Variants in CDH23 observed in about 807,000 individuals in gnomAD.
CDH23 encodes cadherin related 23, also known as cadherin-23.
CDH23 carries 189 observed loss-of-function variants against 317.1 expected under a neutral mutation model. That is an observed-to-expected ratio of 0.60 (90% CI 0.53 to 0.67). CDH23 has a LOEUF of 0.67. Among genes scored for constraint, CDH23 ranks in the 30% least tolerant of loss-of-function variants. The probability of loss-of-function intolerance (pLI) is 0.00; values close to 1 mark genes in which losing one functional copy is unlikely to be tolerated. For synonymous variants in CDH23, 1,839 were observed against 1,876.8 expected, an observed-to-expected ratio of 0.98 and a Z score of 0.52; for missense variants, 4,401 against 4,592.4, an observed-to-expected ratio of 0.96 and a Z score of 1.20.
intron 9 of CDH23, among the ~76,000 whole-genome samples, chr10:71,607,886 GAAC>G (rs1317045243): frequency 5.3e-5 from 8 of 152,258 alleles, no homozygotes; most frequent in African/African-American, 1.9e-4. Context: ...CTGGGTGATA[GAAC>G]AAAACTCTGT....
chr10:71,800,285 C>G (rs767762001), intron 52 of CDH23, among the ~76,000 whole-genome samples: 6 of 152,244 alleles, frequency 3.9e-5, no homozygotes, highest in Non-Finnish European at 8.8e-5. Context: ...TCCACATCTT[C>G]TGGCACTCTG....
At chr10:71,608,527 A>AT (rs1395293816) in intron 9 of CDH23, among the ~76,000 whole-genome samples, 2 of 152,272 alleles carry the variant, frequency 1.3e-5, no homozygotes, top group East Asian at 3.9e-4. Context: ...GGCCCCAAGT[A>AT]TGCCGCTGCC....
chr10:71,743,600 G>A (rs1839787507), intron 38 of CDH23, among the ~76,000 whole-genome samples: 1 of 152,166 alleles, frequency 6.6e-6, no homozygotes, highest in African/African-American at 2.4e-5. Flanking sequence ...GGCTAAACAA[G>A]GATACATTTA....
At chr10:71,477,852 CTTA>C (rs931623747) in intron 3 of CDH23, among the ~76,000 whole-genome samples, 7 of 152,106 alleles carry the variant, frequency 4.6e-5, no homozygotes, top group Non-Finnish European at 1.0e-4. Flanking sequence ...CTGCTGGGCT[CTTA>C]TTATCCCGGC....
chr10:71,732,485 G>A (rs1839426037), intron 32 of CDH23, 110 bp downstream of exon 32: 2 of 1,461,860 alleles, frequency 1.4e-6, no homozygotes, highest in African/African-American at 1.4e-5. Flanking sequence ...TCCTTGAGAT[G>A]GCCAAGTGTG....
chr10:71,516,801 T>G (rs536017328), intron 6 of CDH23, among the ~76,000 whole-genome samples: 1 of 152,320 alleles, frequency 6.6e-6, no homozygotes, highest in African/African-American at 2.4e-5. Context: ...TTTTGACATG[T>G]AGCTTCACTT....
chr10:71,740,733 C>G, intron 36 of CDH23, 89 bp from the exon 37 acceptor site: 1 of 1,560,200 alleles, frequency 6.4e-7, no homozygotes, highest in Non-Finnish European at 8.7e-7. Flanking sequence ...CAAATGCTCC[C>G]CACTGATTGC....
chr10:71,515,030 C>T (rs952848747), intron 6 of CDH23, among the ~76,000 whole-genome samples: 4 of 152,236 alleles, frequency 2.6e-5, no homozygotes, highest in African/African-American at 9.6e-5. Context: ...CTCCCAGGGC[C>T]ACCCCCTCAG....
rs748338206 is a variant in CDH23 at position 71,425,232 on chromosome 10, GGA to G, written c.-5-14559_-5-14558del. 8.1e-4 allele frequency among the ~76,000 whole-genome samples: 60 copies of G among 73,948 alleles called. 2 individuals are homozygous for G. The highest frequency in any genetic ancestry group is 4.8e-3 in the East Asian group (11 of 2,298). 48.5% of individuals were successfully genotyped at this position (73,948 alleles called of 152,430 possible). On this transcript the variant is annotated intron_variant, in intron 1 of 69. Transcript: ENST00000224721. ...ATCACAGTGGGGCAGAGAGAGAGAG[GGA>G]GAGAGAGAGAGAGAGAGAGAGAGAG...
intron 11 of CDH23, among the ~76,000 whole-genome samples, chr10:71,624,740 T>TTATTAC (rs1861632410): frequency 2.7e-5 from 4 of 148,934 alleles, no homozygotes; most frequent in Admixed American, 2.7e-4. Context: ...TTAGCTATTA[T>TTATTAC]TATTATTATT....
chr10:71,614,959 C>CT (rs1235175512), intron 9 of CDH23, among the ~76,000 whole-genome samples: 2 of 152,040 alleles, frequency 1.3e-5, no homozygotes, highest in Admixed American at 1.3e-4. Flanking sequence ...TAACATAGTA[C>CT]TTTTTTAAAA....
chr10:71,434,497 C>G (rs1849533301), intron 1 of CDH23, among the ~76,000 whole-genome samples: 1 of 152,308 alleles, frequency 6.6e-6, no homozygotes, highest in Admixed American at 6.5e-5. Flanking sequence ...CACTGGCTCT[C>G]TGTGGTATAA....
intron 11 of CDH23, among the ~76,000 whole-genome samples, chr10:71,630,492 G>A (rs1405069185): frequency 1.3e-5 from 2 of 152,152 alleles, no homozygotes; most frequent in African/African-American, 2.4e-5. Context: ...AATGGGATTT[G>A]CCAATATGGG....
intron 14 of CDH23, chr10:71,647,085 ATC>A (rs1862931530): frequency 1.0e-6 from 1 of 985,264 alleles, no homozygotes; most frequent in Non-Finnish European, 1.2e-6. Flanking sequence ...TGTCATTTGT[ATC>A]TGTCAGTACT....
chr10:71,527,503 T>C (rs1169688993), intron 6 of CDH23, among the ~76,000 whole-genome samples: 1 of 152,120 alleles, frequency 6.6e-6, no homozygotes, highest in Non-Finnish European at 1.5e-5. Context: ...GACGGGACAG[T>C]GTGGGATGTG....
At chr10:71,692,915 A>G (rs1158099417) in intron 20 of CDH23, among the ~76,000 whole-genome samples, 2 of 152,212 alleles carry the variant, frequency 1.3e-5, no homozygotes, top group South Asian at 2.1e-4. Context: ...TGGGAGCCTC[A>G]CCTAGAATTA....
At chr10:71,566,092 T>C (rs1857382863) in intron 6 of CDH23, among the ~76,000 whole-genome samples, 1 of 152,146 alleles carries the variant, frequency 6.6e-6, no homozygotes, top group African/African-American at 2.4e-5. Context: ...CTGTGTTCTA[T>C]GCAAAGGGCA....
Position 71,784,909 on chromosome 10 carries a change from G to T in CDH23, c.5521G>T (p.Val1841Leu). 2 of 1,613,914 alleles carry T rather than the reference G, an allele frequency of 1.2e-6. No individual in the cohort carries two copies. Among genetic ancestry groups the T allele is most frequent in the South Asian group, 2.2e-5 (2 of 91,082 alleles). ...GGCCCAGATGCTGGTGGGGATCCGG[G>T]TGCTGGACATCAACGACAACGACCC... Reference protein sequence around the residue: ...LSSTMLVGIRVLDINDNDPVL... With the variant: ...LSSTMLVGIRLLDINDNDPVL... Residue 1841 changes from valine to leucine, a missense_variant, in exon 43 of 70, where the codon GTG becomes TTG. This residue lies in a region of CDH23 where 3,068 missense variants were observed against 3,203.3 expected (regional missense o/e 0.96). Transcript: ENST00000224721.
chr10:71,812,849 A>G lies in CDH23; in HGVS notation c.9592A>G (p.Ile3198Val), dbSNP rs1564809122. The change falls in exon 68 of 70, where the codon ATT (isoleucine) becomes GTT (valine). Residue 3198 changes from isoleucine (I) to valine (V), a missense_variant. By Grantham distance (29) the Ile-to-Val change is conservative (BLOSUM62 3). Around this residue, in one of 3 missense-constraint regions of CDH23, gnomAD observed 1,144 missense variants for 1,138.2 expected, o/e 1.01. Transcript: ENST00000224721. The part of the protein sequence containing the change: ...LRAAIQEYDN[I>V]AKLGQIIREG... ...GGCTGCCATCCAGGAGTATGACAAC[A>G]TTGCCAAGCTGGGCCAGATCATTCG... The G allele has an allele frequency of 6.2e-7, 1 of 1,613,750 alleles. No individual in the cohort carries two copies.
Sources: gnomAD v4.1 joint callset for allele counts (sites outside exome capture counted in the v4.1 genomes callset) on GRCh38, gnomAD v4.1.1 for gene constraint, gnomAD v4.1.1 regional missense constraint, MANE v1.5 for transcripts, NCBI Gene and HGNC (gene_info 2026-07-23, HGNC 2026-07-21) for gene names.